Variants in ARHGEF17 observed in about 807,000 individuals in gnomAD.
ARHGEF17 encodes the protein 164 kDa Rho-specific guanine-nucleotide exchange factor.
ARHGEF17 carries 80 observed loss-of-function variants against 174.0 expected under a neutral mutation model. That is an observed-to-expected ratio of 0.46 (90% CI 0.38 to 0.55). The LOEUF is 0.55. Ranked by LOEUF, ARHGEF17 falls within the 20% of genes least tolerant of loss-of-function variation. The pLI, the probability that ARHGEF17 is intolerant of heterozygous loss-of-function variation, is 0.00. For missense variants in ARHGEF17, 2,886 were observed against 2,839.7 expected (o/e 1.02, Z -0.37); for synonymous variants, 1,311 against 1,189.1 (o/e 1.10, Z -2.11).
chr11:73,360,507 C>A lies in ARHGEF17; in HGVS notation c.4394C>A (p.Ala1465Asp), dbSNP rs2298808. ...GACGCCCGCCTTGGTTTTGAACAGG[C>A]CTTCGATGAGGCCAAGAGGAAGCTG... is the stretch of plus-strand genomic sequence containing the variant. ...HPDARLGFEQ[A>D]FDEAKRKLAS... The change falls in exon 11 of 21, where the codon GCC becomes GAC. Residue 1465 changes from alanine (A) to aspartate (D), a missense_variant. By Grantham distance (126) the Ala-to-Asp change is moderately radical. Coordinates refer to ENST00000263674, the MANE Select transcript of ARHGEF17 (RefSeq NM_014786.4). The A allele has an allele frequency of 8.1e-4, 1,306 of 1,613,934 alleles. 13 individuals are homozygous for A. In the East Asian group the frequency reaches 0.021, roughly 26 times the overall value.
At position 73,311,656 on chromosome 11, in the gene ARHGEF17, C is replaced by A. The variant is rs756268030; in HGVS notation, c.3018C>A (p.Val1006=). 3 of 1,613,334 alleles carry A rather than the reference C, an allele frequency of 1.9e-6. No individual in the cohort carries two copies. The highest frequency in any genetic ancestry group is 2.7e-5 in the African/African-American group (2 of 74,948). Residue 1006 remains valine, a synonymous_variant, in exon 1 of 21, where the codon GTC becomes GTA. Coordinates refer to ENST00000263674, the MANE Select transcript of ARHGEF17 (RefSeq NM_014786.4). ...PTLQAPSLED[V]TKQYMLNLHS... is the part of the protein sequence containing the mutation. ...TGCAGGCACCATCGCTCGAGGACGT[C>A]ACCAAGCAGTACATGCTGAACCTGC...
In ARHGEF17 at chr11:73,308,568, G is replaced by A. The variant is rs111866003; in HGVS notation, c.-71G>A. On this transcript the variant is annotated 5_prime_UTR_variant, in exon 1 of 21. Transcript: ENST00000263674. ...TTCGGCGTGGGCCGCTGCGCTCCTA[G>A]GGAGTGGGGGCGCAGGGGGGGTTGG... is the stretch of plus-strand genomic sequence containing the variant. 2 of 1,303,216 alleles carry A rather than the reference G, an allele frequency of 1.5e-6. No individual in the cohort carries two copies. Among genetic ancestry groups the A allele is most frequent in the Non-Finnish European group, 2.0e-6 (2 of 1,008,000 alleles). 80.7% of individuals were successfully genotyped at this position (1,303,216 alleles called of 1,614,324 possible).
chr11:73,359,574 C>A (rs1184166197), intron 9 of ARHGEF17, among the ~76,000 whole-genome samples: 1 of 152,250 alleles, frequency 6.6e-6, no homozygotes, highest in Non-Finnish European at 1.5e-5. Flanking sequence ...ATACTCCATG[C>A]TCTCCTGGGA....
rs1275277402 is a variant in ARHGEF17 at position 73,362,721 on chromosome 11, C to T, written c.4983C>T (p.Ser1661=). The T allele has an allele frequency of 4.4e-6, 7 of 1,603,424 alleles. No individual in the cohort carries two copies. Among genetic ancestry groups the T allele is most frequent in the Admixed American group, 1.7e-5 (1 of 59,894 alleles). Reference sequence around the variant, plus strand: ...GCCAGGCCAGCCGGTCCACCATCTCCTCCAGCTTTGGCAGTGAGCTTTGGC... The same window carrying T: ...GCCAGGCCAGCCGGTCCACCATCTCTTCCAGCTTTGGCAGTGAGCTTTGGC... The part of the protein sequence containing the change: ...LQSQASRSTI[S]SSFGNEETPS... The change falls in exon 14 of 21, where the codon TCC becomes TCT. Residue 1661 remains serine (S), a synonymous_variant. Transcript: ENST00000263674.
chr11:73,364,749 G>A (rs1865808142), intron 18 of ARHGEF17, 149 bp downstream of exon 18: 1 of 963,794 alleles, frequency 1.0e-6, no homozygotes, highest in Non-Finnish European at 1.5e-6. Context: ...GCCAGTCCCT[G>A]TCCTCCTTCG....
chr11:73,327,133 G>A (rs1865115224), intron 1 of ARHGEF17, among the ~76,000 whole-genome samples: 1 of 152,178 alleles, frequency 6.6e-6, no homozygotes, highest in African/African-American at 2.4e-5. Context: ...CCCGGGGCCT[G>A]GAGCTGGCTG....
At chr11:73,324,105 G>T (rs1865063380) in intron 1 of ARHGEF17, among the ~76,000 whole-genome samples, 1 of 152,148 alleles carries the variant, frequency 6.6e-6, no homozygotes, top group Non-Finnish European at 1.5e-5. Context: ...GTGTAGGGCA[G>T]AGTCCCCCTC....
At position 73,363,824 on chromosome 11, in the gene ARHGEF17, C is replaced by T. The variant is rs1865790600; in HGVS notation, c.5324C>T (p.Thr1775Ile). Residue 1775 changes from threonine (T) to isoleucine (I), a missense_variant, in exon 16 of 21, where the codon ACC (threonine) becomes ATC (isoleucine). Thr to Ile is a moderately conservative substitution (Grantham distance 89, BLOSUM62 -1). Around this residue, in one of 4 missense-constraint regions of ARHGEF17, gnomAD observed 329 missense variants for 435.2 expected, o/e 0.76. Transcript: ENST00000263674. ...SMKLQHAASV[T>I]CILYLNNQVF... ...AAGCTCCAGCATGCGGCCTCTGTGA[C>T]CTGCATCTTGTAAGGCCCCAGGGTG... The T allele has an allele frequency of 6.2e-7, 1 of 1,613,858 alleles. No homozygotes were observed.
rs370881525 is a variant in ARHGEF17 at position 73,311,006 on chromosome 11, A to G, written c.2368A>G (p.Ser790Gly). 1.2e-6 allele frequency: 2 copies of G among 1,614,166 alleles called. No homozygotes were observed. Among genetic ancestry groups the G allele is most frequent in the South Asian group, 1.1e-5 (1 of 91,086 alleles). Residue 790 changes from serine (S) to glycine (G), a missense_variant, in exon 1 of 21, where the codon AGT becomes GGT. Physicochemically the swap from Ser to Gly is moderately conservative, Grantham distance 56 (BLOSUM62 0). Coordinates refer to ENST00000263674, the MANE Select transcript of ARHGEF17 (RefSeq NM_014786.4). ...TSGHSDWSVG[S>G]EESKGYQEVI... The stretch of plus-strand genomic sequence containing the variant: ...TGGTCACAGTGACTGGTCTGTGGGC[A>G]GTGAAGAGAGCAAGGGATATCAGGA...
Position 73,360,527 on chromosome 11 carries a change from A to C in ARHGEF17, c.4414A>C (p.Lys1472Gln). ...ACAGGCCTTCGATGAGGCCAAGAGG[A>C]AGCTGGGTAAGCCAAGGCACATGTT... ...FEQAFDEAKR[K>Q]LASSKSCLDP... Residue 1472 changes from lysine (K) to glutamine (Q), a missense_variant, in exon 11 of 21, where the codon AAG becomes CAG. Transcript: ENST00000263674. 2 of 1,613,770 alleles carry C rather than the reference A, an allele frequency of 1.2e-6. No individual in the cohort carries two copies. Among genetic ancestry groups the C allele is most frequent in the Non-Finnish European group, 1.7e-6 (2 of 1,180,016 alleles).
Position 73,310,080 on chromosome 11 carries a change from A to C in ARHGEF17, c.1442A>C (p.Asp481Ala). 6.2e-7 allele frequency: 1 copy of C among 1,614,100 alleles called. No homozygotes were observed. The highest frequency in any genetic ancestry group is 8.5e-7 in the Non-Finnish European group (1 of 1,180,004). Residue 481 changes from aspartate (D) to alanine (A), a missense_variant, in exon 1 of 21, where the codon GAC becomes GCC. By Grantham distance (126) the Asp-to-Ala change is moderately radical. Coordinates refer to ENST00000263674, the MANE Select transcript of ARHGEF17 (RefSeq NM_014786.4). ...ACGCTTCTCAGTTTCCTGCGCTCAG[A>C]CCTTTCAGAGCTGAGGGTCCGAAAA... ...TLTLLSFLRS[D>A]LSELRVRKPG...
rs1332048658 is a variant in ARHGEF17 at position 73,357,108 on chromosome 11, C to A, written c.3975C>A (p.Gly1325=). Residue 1325 remains glycine (G), a synonymous_variant, in exon 8 of 21, where the codon GGC becomes GGA. Transcript: ENST00000263674. ...GCACCACTCTGAAGCGAAAGTCAGG[C>A]TCCCTGCGGCGCAGCTCCATGAGCC... is the stretch of plus-strand genomic sequence containing the variant. ...IVCTTLKRKS[G]SLRRSSMSLY... 3 of 1,614,224 alleles carry A rather than the reference C, an allele frequency of 1.9e-6. No individual in the cohort carries two copies. The highest frequency in any genetic ancestry group is 2.5e-6 in the Non-Finnish European group (3 of 1,180,046).
chr11:73,325,801 G>C (rs2135792805), intron 1 of ARHGEF17, among the ~76,000 whole-genome samples: 1 of 152,364 alleles, frequency 6.6e-6, no homozygotes, highest in Non-Finnish European at 1.5e-5. Flanking sequence ...GTCCAGCAAG[G>C]GGCGGGGCTG....
At chr11:73,316,427 G>A (rs1032091611) in intron 1 of ARHGEF17, among the ~76,000 whole-genome samples, 5 of 152,220 alleles carry the variant, frequency 3.3e-5, no homozygotes, top group African/African-American at 1.2e-4. Context: ...GTGTCAGGGA[G>A]TGGTAGGGTC....
chr11:73,364,389 G>C, intron 17 of ARHGEF17, 63 bp from the exon 18 acceptor site: 1 of 1,611,140 alleles, frequency 6.2e-7, no homozygotes. Flanking sequence ...TCTCATTTCA[G>C]GGGAGACCGA....
At position 73,362,463 on chromosome 11, in the gene ARHGEF17, A is replaced by G; in HGVS notation, c.4725A>G (p.Pro1575=). 1.3e-6 allele frequency: 2 copies of G among 1,587,274 alleles called. No individual in the cohort carries two copies. Among genetic ancestry groups the G allele is most frequent in the African/African-American group, 1.3e-5 (1 of 74,604 alleles). The change falls in exon 14 of 21, where the codon CCA becomes CCG. Residue 1575 remains proline (P), a synonymous_variant. Coordinates refer to ENST00000263674, the MANE Select transcript of ARHGEF17 (RefSeq NM_014786.4). ...REPPPSLRSP[P]ETAPEPAGPE... Reference sequence around the variant, plus strand: ...CTCCTCCGTCGCTGAGGAGTCCTCCAGAGACGGCACCGGAGCCCGCCGGGC... The same window carrying G: ...CTCCTCCGTCGCTGAGGAGTCCTCCGGAGACGGCACCGGAGCCCGCCGGGC...
intron 1 of ARHGEF17, among the ~76,000 whole-genome samples, chr11:73,321,118 C>T (rs1334193043): frequency 2.0e-5 from 3 of 152,218 alleles, no homozygotes; most frequent in East Asian, 3.8e-4. Context: ...AAGCAGAAGA[C>T]AAAGCTCTAG....
At chr11:73,316,209 T>G (rs775095006) in intron 1 of ARHGEF17, among the ~76,000 whole-genome samples, 1 of 152,198 alleles carries the variant, frequency 6.6e-6, no homozygotes, top group African/African-American at 2.4e-5. Flanking sequence ...GAAAGAAATA[T>G]GGCAGGTTGT....
Position 73,311,791 on chromosome 11 carries a change from G to A in ARHGEF17, c.3153G>A (p.Glu1051=), listed in dbSNP as rs759807088. The change falls in exon 1 of 21, where the codon GAG becomes GAA. Residue 1051 remains glutamate (E), a synonymous_variant. Coordinates refer to ENST00000263674, the MANE Select transcript of ARHGEF17 (RefSeq NM_014786.4). ...KPPEAARPAD[E]PTPASKCCSK... is the part of the protein sequence containing the mutation. ...CTGAGGCAGCTCGGCCTGCAGATGA[G>A]CCTACCCCTGCCAGCAAGTGCTGCA... 10 of 1,608,094 alleles carry A rather than the reference G, an allele frequency of 6.2e-6. No homozygotes were observed. Among genetic ancestry groups the A allele is most frequent in the Non-Finnish European group, 8.5e-6 (10 of 1,176,120 alleles).
Sources: gnomAD v4.1 joint callset for allele counts (sites outside exome capture counted in the v4.1 genomes callset) on GRCh38, gnomAD v4.1.1 for gene constraint, gnomAD v4.1.1 regional missense constraint, MANE v1.5 for transcripts, NCBI Gene and HGNC (gene_info 2026-07-23, HGNC 2026-07-21) for gene names.